The following TNPO3 variants were observed in gnomAD, a reference collection of about 807,000 sequenced individuals.
TNPO3 encodes transportin-3.
A neutral mutation model predicts 122.8 loss-of-function variants in TNPO3; 65 were observed. The observed-to-expected ratio is 0.53, with a 90% CI of 0.43 to 0.65. The LOEUF (loss-of-function observed/expected upper bound fraction) is 0.65, where lower values mean the gene tolerates loss of function less well. Ranked by LOEUF, TNPO3 falls within the 30% of genes least tolerant of loss-of-function variation. The pLI is 0.00. For synonymous variants in TNPO3, 372 were observed against 411.2 expected (o/e 0.90, Z 1.15); for missense variants, 850 against 1,136.7 (o/e 0.75, Z 3.63).
At chr7:128,957,733 A>T (rs552570178) in intron 21 of TNPO3, among the ~76,000 whole-genome samples, 1 of 152,366 alleles carries the variant, frequency 6.6e-6, no homozygotes, top group East Asian at 1.9e-4. Flanking sequence ...GTAGGCTGCT[A>T]CAACAACACT....
chr7:128,954,556 C>T lies in TNPO3; in HGVS notation c.*861G>A, dbSNP rs1414173579. 7.2e-6 allele frequency: 1 copy of T among 138,456 alleles called. No homozygotes were observed. The highest frequency in any genetic ancestry group is 2.6e-5 in the African/African-American group (1 of 38,408). The allele number at this position is 138,456 out of a possible 1,614,324, so 8.6% of individuals were successfully genotyped here. On this transcript the variant is annotated 3_prime_UTR_variant, in exon 23 of 23. Coordinates refer to ENST00000265388, the MANE Select transcript of TNPO3 (RefSeq NM_012470.4). ...GCACTCCCCACCCACCCGCCCACCC[C>T]AGTTTTGGCTCTTCTCTCCAAGGCA...
chr7:128,981,314 A>C (rs1423600946), intron 14 of TNPO3, among the ~76,000 whole-genome samples: 1 of 152,226 alleles, frequency 6.6e-6, no homozygotes, highest in Non-Finnish European at 1.5e-5. Flanking sequence ...CATGGGTCCC[A>C]AAAATTATAA....
At chr7:129,014,135 C>T (rs1803555754) in intron 4 of TNPO3, among the ~76,000 whole-genome samples, 1 of 152,194 alleles carries the variant, frequency 6.6e-6, no homozygotes, top group African/African-American at 2.4e-5. Flanking sequence ...ATGTTCCCTA[C>T]ACAAAGAAAT....
Position 128,972,512 on chromosome 7 carries a change from C to T in TNPO3, c.2344G>A (p.Ala782Thr), listed in dbSNP as rs1798593233. The T allele has an allele frequency of 6.2e-7, 1 of 1,613,986 alleles. No individual in the cohort carries two copies. Among genetic ancestry groups the T allele is most frequent in the African/African-American group, 1.3e-5 (1 of 74,972 alleles). The change falls in exon 19 of 23, where the codon GCC becomes ACC. Residue 782 changes from alanine (A) to threonine (T), a missense_variant. Ala to Thr is a moderately conservative substitution (Grantham distance 58, BLOSUM62 0). Coordinates refer to ENST00000265388, the MANE Select transcript of TNPO3 (RefSeq NM_012470.4). ...VVIPILQWAI[A>T]STTLDHRDAN... ...TCCCGGTGGTCCAGGGTAGTAGAGG[C>T]AATGGCCCACTGTAAGATAGGGATG... is the stretch of plus-strand genomic sequence containing the variant.
intron 18 of TNPO3, among the ~76,000 whole-genome samples, chr7:128,973,172 A>G (rs1317833155): frequency 2.0e-5 from 3 of 152,200 alleles, no homozygotes; most frequent in African/African-American, 7.2e-5. Context: ...TTCCCAAACT[A>G]AAGTTCACAG....
At chr7:129,034,538 C>T (rs540536602) in intron 1 of TNPO3, among the ~76,000 whole-genome samples, 1 of 151,960 alleles carries the variant, frequency 6.6e-6, no homozygotes, top group South Asian at 2.1e-4. Flanking sequence ...AAGGTTGAAA[C>T]ACAGCTTAGA....
chr7:129,012,009 T>C (rs573386473), intron 4 of TNPO3, among the ~76,000 whole-genome samples: 64 of 146,680 alleles, frequency 4.4e-4, no homozygotes, highest in African/African-American at 8.5e-4. Context: ...CTTTCTTTTT[T>C]TTTTTTTTTT....
chr7:128,995,339 A>G (rs1389844985), intron 8 of TNPO3, among the ~76,000 whole-genome samples: 1 of 152,206 alleles, frequency 6.6e-6, no homozygotes, highest in Non-Finnish European at 1.5e-5. Context: ...GTTACCAATT[A>G]TAAGATGGTT....
At chr7:129,014,125 A>G (rs1803554041) in intron 4 of TNPO3, among the ~76,000 whole-genome samples, 2 of 152,126 alleles carry the variant, frequency 1.3e-5, no homozygotes, top group African/African-American at 4.8e-5. Context: ...AAGATTTAGA[A>G]TGTTCCCTAC....
At chr7:129,044,907 C>T (rs1169846580) in intron 1 of TNPO3, among the ~76,000 whole-genome samples, 2 of 152,194 alleles carry the variant, frequency 1.3e-5, no homozygotes, top group Admixed American at 6.5e-5. Context: ...AGTATTTATA[C>T]ACCCATGTTC....
At chr7:129,019,600 G>A (rs1370810590) in intron 1 of TNPO3, among the ~76,000 whole-genome samples, 1 of 152,092 alleles carries the variant, frequency 6.6e-6, no homozygotes, top group Non-Finnish European at 1.5e-5. Context: ...TATAATCCCA[G>A]CACTTTGGGA....
At chr7:129,004,151 CA>C (rs1336158129) in intron 5 of TNPO3, among the ~76,000 whole-genome samples, 1 of 152,136 alleles carries the variant, frequency 6.6e-6, no homozygotes, top group African/African-American at 2.4e-5. Context: ...AATGACATGC[CA>C]AATGTCTCCT....
intron 19 of TNPO3, among the ~76,000 whole-genome samples, chr7:128,971,869 CT>C (rs1297148275): frequency 1.3e-5 from 2 of 152,222 alleles, no homozygotes; most frequent in African/African-American, 4.8e-5. Context: ...CTCGTCTGAT[CT>C]CATACCAATC....
chr7:129,055,061 C>A lies in TNPO3; in HGVS notation c.-291G>T, dbSNP rs1809330095. ...TCCCGTCTTCAGTCGCTGACTTGCCCTCAGAAGCCTATCTTGGGAGGCCAC... is the reference window on the plus strand; with the variant it reads ...TCCCGTCTTCAGTCGCTGACTTGCCATCAGAAGCCTATCTTGGGAGGCCAC... On this transcript the variant is annotated 5_prime_UTR_variant, in exon 1 of 23. In the 5' UTR this introduces an upstream ATG that the reference lacks. Coordinates refer to ENST00000265388, the MANE Select transcript of TNPO3 (RefSeq NM_012470.4). The A allele has an allele frequency of 2.5e-6, 1 of 398,222 alleles. No homozygotes were observed. The highest frequency in any genetic ancestry group is 3.6e-5 in the Admixed American group (1 of 27,636). The allele number at this position is 398,222 out of a possible 1,614,324, so 24.7% of individuals were successfully genotyped here.
chr7:128,961,161 C>A (rs1797414155), intron 21 of TNPO3, among the ~76,000 whole-genome samples: 1 of 152,112 alleles, frequency 6.6e-6, no homozygotes, highest in South Asian at 2.1e-4. Context: ...ACGGTAATGT[C>A]CTAGGCCGCC....
At chr7:129,022,719 G>C (rs1025529500) in intron 1 of TNPO3, among the ~76,000 whole-genome samples, 1 of 152,100 alleles carries the variant, frequency 6.6e-6, no homozygotes, top group African/African-American at 2.4e-5. Flanking sequence ...CATGAAAGAA[G>C]AAAGAACAGG....
chr7:128,968,298 CTGTT>C (rs971165433), intron 20 of TNPO3, among the ~76,000 whole-genome samples: 7 of 152,136 alleles, frequency 4.6e-5, no homozygotes, highest in African/African-American at 1.7e-4. Context: ...GCTCTTGTTG[CTGTT>C]TAATTTACTT....
At chr7:129,049,148 A>G (rs1054720432) in intron 1 of TNPO3, among the ~76,000 whole-genome samples, 3 of 152,214 alleles carry the variant, frequency 2.0e-5, no homozygotes, top group African/African-American at 7.2e-5. Context: ...GGGAAAGGGT[A>G]AAAGCAGAGA....
At chr7:128,981,085 C>T (rs1312968375) in intron 14 of TNPO3, among the ~76,000 whole-genome samples, 4 of 152,232 alleles carry the variant, frequency 2.6e-5, no homozygotes, top group Non-Finnish European at 5.9e-5. Flanking sequence ...CAAGTATTTA[C>T]ATCTATTTCA....
Sources: gnomAD v4.1 joint callset for allele counts (sites outside exome capture counted in the v4.1 genomes callset) on GRCh38, gnomAD v4.1.1 for gene constraint, MANE v1.5 for transcripts, NCBI Gene and HGNC (gene_info 2026-07-23, HGNC 2026-07-21) for gene names.